TRIO: variants seen among roughly 807,000 people sequenced by gnomAD.
TRIO encodes triple functional domain protein.
Under a neutral mutation model 351.9 loss-of-function variants are expected in TRIO, and 58 were observed. The ratio of observed to expected loss-of-function variants is 0.16; its 90% CI spans 0.13 to 0.21. The LOEUF (loss-of-function observed/expected upper bound fraction) is 0.21. Ranked by LOEUF, TRIO falls within the 10% of genes least tolerant of loss-of-function variation. The probability of loss-of-function intolerance (pLI) is 1.00; values close to 1 mark genes in which losing one functional copy is unlikely to be tolerated. For missense variants in TRIO, 3,201 were observed against 4,027.8 expected (o/e 0.79, Z 5.56); for synonymous variants, 1,758 against 1,595.7 (o/e 1.10, Z -2.42).
intron 34 of TRIO, among the ~76,000 whole-genome samples, chr5:14,456,136 G>A (rs770564953): frequency 2.0e-5 from 3 of 152,262 alleles, no homozygotes; most frequent in Non-Finnish European, 2.9e-5. Context: ...GCTGCCTGGG[G>A]CCAGTGGCGC....
intron 33 of TRIO, among the ~76,000 whole-genome samples, chr5:14,413,569 T>C (rs1220470878): frequency 6.6e-6 from 1 of 152,234 alleles, no homozygotes; most frequent in Non-Finnish European, 1.5e-5. Context: ...TTTCTGTTTT[T>C]CTAAGTGATG....
chr5:14,231,227 T>C (rs1793407685), intron 1 of TRIO, among the ~76,000 whole-genome samples: 2 of 152,246 alleles, frequency 1.3e-5, no homozygotes, highest in South Asian at 4.1e-4. Context: ...TTTCCGTCTT[T>C]AGGCCAGACC....
At chr5:14,505,732 G>T (rs1409615000) in intron 55 of TRIO, among the ~76,000 whole-genome samples, 1 of 152,172 alleles carries the variant, frequency 6.6e-6, no homozygotes, top group Non-Finnish European at 1.5e-5. Context: ...CCGCCCATGT[G>T]CCATGGGTGA....
intron 4 of TRIO, among the ~76,000 whole-genome samples, chr5:14,290,194 C>T (rs752252681): frequency 1.8e-4 from 27 of 152,114 alleles, no homozygotes; most frequent in Non-Finnish European, 3.2e-4. Context: ...GCAGCCCACA[C>T]GTAATTGAAT....
intron 31 of TRIO, among the ~76,000 whole-genome samples, chr5:14,403,485 AGGT>A (rs1351794079): frequency 2.1e-4 from 13 of 60,874 alleles, no homozygotes; most frequent in Admixed American, 3.7e-4. Context: ...GTGAGGGTGC[AGGT>A]GGTGGTGGTG....
At chr5:14,320,582 T>A (rs1739792794) in intron 9 of TRIO, among the ~76,000 whole-genome samples, 1 of 152,208 alleles carries the variant, frequency 6.6e-6, no homozygotes, top group Non-Finnish European at 1.5e-5. Flanking sequence ...TGTTGGACCA[T>A]TTTTTAATTA....
At position 14,315,247 on chromosome 5, in the gene TRIO, T is replaced by G. The variant is rs116363717; in HGVS notation, c.1501-1266T>G. On this transcript the variant is annotated intron_variant, in intron 8 of 56. Transcript: ENST00000344204. ...CTGTTAAAAGTGCCCCTGAACTTGC[T>G]CCTCTTTTTTTTTTTTTTTTTGAGA... 6.7e-3 allele frequency among the ~76,000 whole-genome samples: 1,012 copies of G among 149,964 alleles called. 15 individuals carry two copies. The highest frequency in any genetic ancestry group is 0.024 in the African/African-American group (973 of 40,202).
At chr5:14,431,570 G>A (rs1383052133) in intron 34 of TRIO, among the ~76,000 whole-genome samples, 1 of 152,034 alleles carries the variant, frequency 6.6e-6, no homozygotes, top group Non-Finnish European at 1.5e-5. Flanking sequence ...GAATTTGAAT[G>A]CTAGAGGGGA....
In TRIO at chr5:14,362,762, G is replaced by T. The variant is rs138469778; in HGVS notation, c.2392-970G>T. Among the ~76,000 whole-genome samples, 31 of 152,230 alleles carry T rather than the reference G, an allele frequency of 2.0e-4. No individual in the cohort carries two copies. In the East Asian group the frequency reaches 5.8e-3, roughly 28 times the overall value. ...CACTTCCCTCGGGACCCTGAGGCCG[G>T]TTCAGGCACCATTATGCTGAGCCTT... On this transcript the variant is annotated intron_variant, in intron 13 of 56. Coordinates refer to ENST00000344204, the MANE Select transcript of TRIO (RefSeq NM_007118.4).
chr5:14,441,016 G>GCT (rs1751991173), intron 34 of TRIO: 1 of 151,948 alleles, frequency 6.6e-6, no homozygotes, highest in South Asian at 2.1e-4. Context: ...GCGCGCGCGC[G>GCT]CTCAGACGCC....
Position 14,392,378 on chromosome 5 carries a change from A to ATAC in TRIO, c.4218+1391_4218+1393dup, listed in dbSNP as rs549689704. On this transcript the variant is annotated intron_variant, in intron 27 of 56. Coordinates refer to ENST00000344204, the MANE Select transcript of TRIO (RefSeq NM_007118.4). ...GAGAATGCAGATCAACCACAATGAGATACTATCTCACACCAGTTAGAATGG... is the reference window on the plus strand; with the variant it reads ...GAGAATGCAGATCAACCACAATGAGATACTACTATCTCACACCAGTTAGAATGG... Among the ~76,000 whole-genome samples the ATAC allele has an allele frequency of 1.1e-4, 17 of 152,374 alleles. No homozygotes were observed. The East Asian group carries it at 3.3e-3, about 29-fold the overall frequency.
rs144143458 is a variant in TRIO at position 14,435,550 on chromosome 5, C to A, written c.5203+15529C>A. Reference sequence around the variant, plus strand: ...TACCTTTACCCTCTAATTTTGGCATCCCTCAGTAGTTCTTGCCTACAACAC... The same window carrying A: ...TACCTTTACCCTCTAATTTTGGCATACCTCAGTAGTTCTTGCCTACAACAC... On this transcript the variant is annotated intron_variant, in intron 34 of 56. Coordinates refer to ENST00000344204, the MANE Select transcript of TRIO (RefSeq NM_007118.4). Among the ~76,000 whole-genome samples the A allele has an allele frequency of 1.1e-4, 16 of 152,344 alleles. No homozygotes were observed. In the East Asian group the frequency reaches 2.5e-3, roughly 24 times the overall value.
chr5:14,310,358 G>T (rs750347655), intron 8 of TRIO, among the ~76,000 whole-genome samples: 3 of 152,272 alleles, frequency 2.0e-5, no homozygotes, highest in Non-Finnish European at 4.4e-5. Context: ...CAGCCACGGA[G>T]CACAAGCAAG....
At chr5:14,184,495 G>T (rs1160802098) in intron 1 of TRIO, among the ~76,000 whole-genome samples, 1 of 152,230 alleles carries the variant, frequency 6.6e-6, no homozygotes, top group Non-Finnish European at 1.5e-5. Context: ...AAGCTTCAGT[G>T]GACTGGAAAA....
At chr5:14,495,658 GAAAAAAAAAA>G (rs56018324) in intron 49 of TRIO, among the ~76,000 whole-genome samples, 424 of 32,598 alleles carry the variant, frequency 0.013, 5 homozygotes, top group African/African-American at 0.04. Flanking sequence ...GTCTCTACTA[GAAAAAAAAAA>G]AAAAAAAAAA....
intron 19 of TRIO, among the ~76,000 whole-genome samples, chr5:14,376,210 A>T (rs767544187): frequency 6.6e-6 from 1 of 152,168 alleles, no homozygotes; most frequent in Non-Finnish European, 1.5e-5. Context: ...AAAACTTCCT[A>T]TATTAATGGT....
intron 1 of TRIO, among the ~76,000 whole-genome samples, chr5:14,255,692 C>T (rs1794986869): frequency 6.6e-6 from 1 of 152,108 alleles, no homozygotes; most frequent in East Asian, 1.9e-4. Flanking sequence ...TTTGTATATA[C>T]CTTATACACA....
intron 33 of TRIO, among the ~76,000 whole-genome samples, chr5:14,409,155 C>G (rs1294288596): frequency 2.0e-5 from 3 of 152,146 alleles, no homozygotes; most frequent in Non-Finnish European, 4.4e-5. Flanking sequence ...CCTCTCAGCC[C>G]CAGCACAGCC....
chr5:14,471,918 G>GA (rs113768319), intron 38 of TRIO, among the ~76,000 whole-genome samples: 5,483 of 143,650 alleles, frequency 0.038, 266 homozygotes, highest in African/African-American at 0.12. Context: ...TTTGGAGAAG[G>GA]AAAAAAAAAA....
Sources: gnomAD v4.1 joint callset for allele counts (sites outside exome capture counted in the v4.1 genomes callset) on GRCh38, gnomAD v4.1.1 for gene constraint, MANE v1.5 for transcripts, NCBI Gene and HGNC (gene_info 2026-07-23, HGNC 2026-07-21) for gene names.